The following ACER3 variants were observed in gnomAD, a reference collection of about 807,000 sequenced individuals.
ACER3 encodes the protein alkCDase 3.
A neutral mutation model predicts 48.9 loss-of-function variants in ACER3; 16 were observed. The observed-to-expected ratio is 0.33, with a 90% CI of 0.22 to 0.50. ACER3 has a LOEUF of 0.50. Ranked by LOEUF, ACER3 falls within the 20% of genes least tolerant of loss-of-function variation. The pLI, the probability that ACER3 is intolerant of heterozygous loss-of-function variation, is 0.98. For missense variants in ACER3, 227 were observed against 326.0 expected (o/e 0.70, Z 2.34); for synonymous variants, 109 against 107.8 (o/e 1.01, Z -0.07).
chr11:76,998,613 T>G, intron 6 of ACER3, 150 bp from the exon 7 acceptor site: 1 of 577,750 alleles, frequency 1.7e-6, no homozygotes, highest in Non-Finnish European at 3.0e-6. Flanking sequence ...TTTAGTGATT[T>G]AACACATTTT....
At chr11:76,959,084 T>G (rs1373994853) in intron 3 of ACER3, 53 bp downstream of exon 3, 2 of 1,612,046 alleles carry the variant, frequency 1.2e-6, no homozygotes, top group African/African-American at 1.3e-5. Context: ...CAGAAGTACT[T>G]CAGATTTGAG....
intron 1 of ACER3, among the ~76,000 whole-genome samples, chr11:76,924,973 C>CTAAAAA (rs1946783536): frequency 1.3e-5 from 1 of 78,568 alleles, no homozygotes; most frequent in African/African-American, 3.6e-5. Context: ...AAGACTCTGT[C>CTAAAAA]AAAAAAAAAA....
rs558620751 is a variant in ACER3 at position 76,917,271 on chromosome 11, T to C, written c.104-9286T>C. ...TTCCCCCTTACCCAGGAAATGTTTC[T>C]GGGCAATATTGGTGGTTTAAAAATA... On this transcript the variant is annotated intron_variant, in intron 1 of 10. Coordinates refer to ENST00000532485, the MANE Select transcript of ACER3 (RefSeq NM_018367.7). Among the ~76,000 whole-genome samples the C allele has an allele frequency of 9.2e-5, 14 of 152,310 alleles. No individual in the cohort carries two copies. The East Asian group carries it at 1.7e-3, about 19-fold the overall frequency.
At chr11:76,891,284 C>T (rs954307123) in intron 1 of ACER3, among the ~76,000 whole-genome samples, 9 of 149,908 alleles carry the variant, frequency 6.0e-5, no homozygotes, top group South Asian at 2.1e-4. Context: ...TTTTCATCCA[C>T]GGTTCCTGGC....
intron 1 of ACER3, among the ~76,000 whole-genome samples, chr11:76,863,411 G>T (rs1211175666): frequency 6.6e-6 from 1 of 152,110 alleles, no homozygotes; most frequent in Admixed American, 6.5e-5. Flanking sequence ...GAATCAGAGG[G>T]GTTGCAAGAA....
chr11:76,892,142 G>A lies in ACER3; in HGVS notation c.103+31063G>A, dbSNP rs566793289. ...TATACTGGAAAAATTTCTTAACCTC[G>A]TTGGGCCTCAAGTGTTCTAATATGT... On this transcript the variant is annotated intron_variant, in intron 1 of 10. Coordinates refer to ENST00000532485, the MANE Select transcript of ACER3 (RefSeq NM_018367.7). 3.2e-4 allele frequency among the ~76,000 whole-genome samples: 48 copies of A among 152,100 alleles called. 1 individual carries two copies. In the South Asian group the frequency reaches 3.9e-3, roughly 13 times the overall value.
At chr11:76,895,644 G>C (rs1479005361) in intron 1 of ACER3, among the ~76,000 whole-genome samples, 2 of 152,102 alleles carry the variant, frequency 1.3e-5, no homozygotes, top group Non-Finnish European at 2.9e-5. Context: ...AAATTGATTA[G>C]GTCACTGCTT....
chr11:76,957,678 A>G, intron 2 of ACER3: 1 of 229,426 alleles, frequency 4.4e-6, no homozygotes, highest in South Asian at 4.8e-5. Context: ...TCCTGACCTC[A>G]GGTGATCTGT....
intron 1 of ACER3, among the ~76,000 whole-genome samples, chr11:76,915,365 A>C (rs995223010): frequency 6.6e-6 from 1 of 151,798 alleles, no homozygotes; most frequent in South Asian, 2.1e-4. Context: ...GGAATTGAGC[A>C]CGCGCAGTGT....
rs143409973 is a variant in ACER3, at chr11:76,889,991, CTA to C, written c.103+28913_103+28914del. On this transcript the variant is annotated intron_variant, in intron 1 of 10. Coordinates refer to ENST00000532485, the MANE Select transcript of ACER3 (RefSeq NM_018367.7). Reference sequence around the variant, plus strand: ...TTCAGTATATTTCATTTTTGCTTGTCTAATTCTGTTGCTTATTGTTTTGCTGA... The same window carrying C: ...TTCAGTATATTTCATTTTTGCTTGTCATTCTGTTGCTTATTGTTTTGCTGA... Among the ~76,000 whole-genome samples the C allele has an allele frequency of 2.6e-3, 401 of 151,922 alleles. 9 individuals are homozygous for C. In the East Asian group the frequency reaches 0.067, roughly 25 times the overall value.
intron 2 of ACER3, among the ~76,000 whole-genome samples, chr11:76,928,978 G>T (rs1486664061): frequency 3.9e-5 from 6 of 152,148 alleles, no homozygotes; most frequent in East Asian, 1.9e-4. Flanking sequence ...TTTAAAGTAG[G>T]TTTTTCCAAT....
At chr11:77,003,238 T>C (rs1416157632) in intron 7 of ACER3, among the ~76,000 whole-genome samples, 3 of 152,236 alleles carry the variant, frequency 2.0e-5, no homozygotes, top group Non-Finnish European at 4.4e-5. Flanking sequence ...TCTTCCACTC[T>C]TGTTGAAGAC....
At chr11:76,960,319 G>A (rs1947954573) in intron 3 of ACER3, among the ~76,000 whole-genome samples, 1 of 151,978 alleles carries the variant, frequency 6.6e-6, no homozygotes, top group African/African-American at 2.4e-5. Flanking sequence ...TGAGACAGGA[G>A]AATCTCTTGA....
At chr11:76,920,887 C>G (rs138361911) in intron 1 of ACER3, among the ~76,000 whole-genome samples, 184 of 152,274 alleles carry the variant, frequency 1.2e-3, no homozygotes, top group African/African-American at 4.3e-3. Flanking sequence ...AATCCTCCCC[C>G]CTTGGCTTTC....
chr11:76,896,862 T>C (rs1317097835), intron 1 of ACER3, among the ~76,000 whole-genome samples: 1 of 152,214 alleles, frequency 6.6e-6, no homozygotes, highest in Non-Finnish European at 1.5e-5. Context: ...ATCTGTTGTT[T>C]TGGTTGAAGT....
intron 1 of ACER3, among the ~76,000 whole-genome samples, chr11:76,922,421 T>C (rs1367152622): frequency 6.6e-6 from 1 of 152,150 alleles, no homozygotes; most frequent in African/African-American, 2.4e-5. Context: ...CACTCCTGAA[T>C]GGTAAAATAT....
rs550610873 is a variant in ACER3 at position 76,898,700 on chromosome 11, C to G, written c.104-27857C>G. On this transcript the variant is annotated intron_variant, in intron 1 of 10. Transcript: ENST00000532485. ...CGGGCGGATGACGAGGTCAGGAGAT[C>G]GAGACCATCCCGGCTAAAACGGTGA... Among the ~76,000 whole-genome samples, 468 of 151,432 alleles carry G rather than the reference C, an allele frequency of 3.1e-3. 5 individuals are homozygous for G. Among genetic ancestry groups the G allele is most frequent in the African/African-American group, 0.011 (445 of 41,276 alleles).
chr11:77,011,378 A>G, intron 7 of ACER3: 1 of 985,534 alleles, frequency 1.0e-6, no homozygotes, highest in Middle Eastern at 5.2e-4. Context: ...TGGCCATGGT[A>G]AGTAAGTTTA....
chr11:76,942,619 C>G (rs1947366758), intron 2 of ACER3, among the ~76,000 whole-genome samples: 1 of 152,012 alleles, frequency 6.6e-6, no homozygotes, highest in Admixed American at 6.6e-5. Flanking sequence ...TGTCTATGTT[C>G]ATCAGAGATA....
Sources: allele counts gnomAD v4.1 joint callset (sites outside exome capture counted in the v4.1 genomes callset), GRCh38; gene constraint gnomAD v4.1.1; transcripts MANE v1.5; gene names NCBI Gene and HGNC (gene_info 2026-07-23, HGNC 2026-07-21).